THADA: variants seen among roughly 807,000 people sequenced by gnomAD.
The protein encoded by THADA is tRNA (32-2'-O)-methyltransferase regulator THADA.
A neutral mutation model predicts 219.8 loss-of-function variants in THADA; 213 were observed. The ratio of observed to expected loss-of-function variants is 0.97; its 90% CI spans 0.87 to 1.09. The LOEUF (loss-of-function observed/expected upper bound fraction) is 1.09. THADA is among the 50% of genes least tolerant of loss of function. THADA has a pLI of 0.00. For synonymous variants in THADA, 1,018 were observed against 828.9 expected, an observed-to-expected ratio of 1.23 and a Z score of -3.92; for missense variants, 2,956 against 2,311.3, an observed-to-expected ratio of 1.28 and a Z score of -5.72.
chr2:43,595,145 G>A (rs987234065), intron 1 of THADA, among the ~76,000 whole-genome samples: 1 of 152,184 alleles, frequency 6.6e-6, no homozygotes. Context: ...TGTTCTAGAA[G>A]GGATATATGT....
intron 36 of THADA, among the ~76,000 whole-genome samples, chr2:43,244,934 C>A (rs1453218687): frequency 2.0e-5 from 3 of 152,186 alleles, no homozygotes; most frequent in Non-Finnish European, 4.4e-5. Flanking sequence ...TTCCTCCCTA[C>A]CCCTGTGTCA....
chr2:43,467,190 A>AC (rs1393121013), intron 26 of THADA, among the ~76,000 whole-genome samples: 5 of 148,692 alleles, frequency 3.4e-5, no homozygotes, highest in Non-Finnish European at 1.5e-5. Flanking sequence ...TCAAAAAAAA[A>AC]AAAAAAAAAA....
At chr2:43,527,598 T>TTAA (rs565909387) in intron 22 of THADA, among the ~76,000 whole-genome samples, 1 of 148,244 alleles carries the variant, frequency 6.7e-6, no homozygotes, top group South Asian at 2.1e-4. Flanking sequence ...TTTCATTCAA[T>TTAA]AAAAAAAAAA....
intron 14 of THADA, among the ~76,000 whole-genome samples, chr2:43,569,628 G>A (rs1699078469): frequency 6.6e-6 from 1 of 152,010 alleles, no homozygotes; most frequent in African/African-American, 2.4e-5. Context: ...GAAAACCAAG[G>A]GCATCCATAA....
intron 26 of THADA, among the ~76,000 whole-genome samples, chr2:43,475,719 T>C (rs1685454350): frequency 6.6e-6 from 1 of 152,252 alleles, no homozygotes; most frequent in African/African-American, 2.4e-5. Context: ...ACACACACTT[T>C]GTTCCTGGGT....
chr2:43,380,346 TA>T (rs1671853122), intron 29 of THADA, among the ~76,000 whole-genome samples: 1 of 152,292 alleles, frequency 6.6e-6, no homozygotes, highest in South Asian at 2.1e-4. Context: ...TTTCTCCCAC[TA>T]GTATGGGTTA....
intron 26 of THADA, among the ~76,000 whole-genome samples, chr2:43,461,374 G>C (rs1280817981): frequency 6.6e-6 from 1 of 152,144 alleles, no homozygotes; most frequent in Non-Finnish European, 1.5e-5. Flanking sequence ...GTAAGTGCAG[G>C]AACCATTGAA....
At chr2:43,517,593 A>C (rs959147034) in intron 22 of THADA, among the ~76,000 whole-genome samples, 1 of 152,152 alleles carries the variant, frequency 6.6e-6, no homozygotes, top group East Asian at 1.9e-4. Context: ...CTGGGAACAG[A>C]AACTTTATGT....
intron 21 of THADA, among the ~76,000 whole-genome samples, chr2:43,530,132 A>C (rs1250996744): frequency 1.3e-5 from 2 of 152,200 alleles, no homozygotes; most frequent in Non-Finnish European, 1.5e-5. Context: ...GAACCAAAAA[A>C]GCAGTATATA....
intron 26 of THADA, among the ~76,000 whole-genome samples, chr2:43,460,941 A>T (rs978442344): frequency 6.6e-6 from 1 of 152,232 alleles, no homozygotes; most frequent in Admixed American, 6.5e-5. Context: ...CACCTGTCCC[A>T]GGAGTGTGGG....
chr2:43,270,369 T>C (rs748390895), intron 36 of THADA, among the ~76,000 whole-genome samples: 4 of 152,192 alleles, frequency 2.6e-5, no homozygotes, highest in African/African-American at 4.8e-5. Context: ...CGCCTCTTGC[T>C]GCATCTGCCC....
At chr2:43,488,837 C>T (rs1244747381) in intron 25 of THADA, among the ~76,000 whole-genome samples, 2 of 152,148 alleles carry the variant, frequency 1.3e-5, no homozygotes, top group African/African-American at 4.8e-5. Flanking sequence ...CCACATCCTC[C>T]CTAATACTAG....
Position 43,574,735 on chromosome 2 carries a change from G to A in THADA, c.1330C>T (p.Leu444Phe), listed in dbSNP as rs777885047. 6.2e-7 allele frequency: 1 copy of A among 1,613,908 alleles called. No homozygotes were observed. Among genetic ancestry groups the A allele is most frequent in the Non-Finnish European group, 8.5e-7 (1 of 1,179,902 alleles). The stretch of plus-strand genomic sequence containing the variant: ...TTAATATGCCATTCCAATCGTAAAA[G>A]ACTCTCAGTCAATTCCACAAAGAAA... Reference protein sequence around the residue: ...DPFFVELTESLLRLEWHIKGK... With the variant: ...DPFFVELTESFLRLEWHIKGK... Residue 444 changes from leucine (L) to phenylalanine (F), a missense_variant, in exon 11 of 38, where the codon CTT (leucine) becomes TTT (phenylalanine). Leu to Phe is a conservative substitution (Grantham distance 22). Coordinates refer to ENST00000405975, the MANE Select transcript of THADA (RefSeq NM_022065.5).
intron 29 of THADA, among the ~76,000 whole-genome samples, chr2:43,352,006 T>A (rs970000461): frequency 2.0e-5 from 3 of 152,234 alleles, no homozygotes; most frequent in Non-Finnish European, 2.9e-5. Context: ...AAGGCCTGCA[T>A]ATGAAGAATT....
intron 26 of THADA, among the ~76,000 whole-genome samples, chr2:43,440,486 G>C (rs111942962): frequency 1.2e-3 from 183 of 152,246 alleles, no homozygotes; most frequent in Middle Eastern, 0.01. Context: ...ACAGGCCATT[G>C]TTATATTCTT....
intron 28 of THADA, among the ~76,000 whole-genome samples, chr2:43,405,603 A>G (rs2104742512): frequency 6.6e-6 from 1 of 152,318 alleles, no homozygotes; most frequent in Non-Finnish European, 1.5e-5. Flanking sequence ...ATTGACTGTA[A>G]TCTTGCCCTC....
intron 28 of THADA, among the ~76,000 whole-genome samples, chr2:43,409,622 T>C (rs1676030450): frequency 6.6e-6 from 1 of 152,206 alleles, no homozygotes; most frequent in African/African-American, 2.4e-5. Context: ...AGTATAATTA[T>C]ACTTTTTCTT....
At chr2:43,336,080 G>C (rs929178993) in intron 30 of THADA, among the ~76,000 whole-genome samples, 1 of 151,104 alleles carries the variant, frequency 6.6e-6, no homozygotes, top group African/African-American at 2.4e-5. Context: ...CTGGGTGACA[G>C]AGTGAGACTC....
At chr2:43,341,614 A>G (rs187030981) in intron 30 of THADA, among the ~76,000 whole-genome samples, 1 of 152,330 alleles carries the variant, frequency 6.6e-6, no homozygotes, top group East Asian at 1.9e-4. Flanking sequence ...TACGAGATGC[A>G]TGAAGGAGTA....
Sources: gnomAD v4.1 joint callset for allele counts (sites outside exome capture counted in the v4.1 genomes callset) on GRCh38, gnomAD v4.1.1 for gene constraint, MANE v1.5 for transcripts, NCBI Gene and HGNC (gene_info 2026-07-23, HGNC 2026-07-21) for gene names.